Variants in SUPT3H observed in about 807,000 individuals in gnomAD.
SUPT3H encodes the protein SPT3 homolog, SAGA and STAGA complex component, also known as transcription initiation protein SPT3 homolog.
Under a neutral mutation model 44.3 loss-of-function variants are expected in SUPT3H, and 44 were observed. The ratio of observed to expected loss-of-function variants is 0.99; its 90% CI spans 0.78 to 1.28. The LOEUF is 1.28. Ranked by LOEUF, SUPT3H falls within the 50% of genes most tolerant of loss-of-function variation. The pLI, the probability that SUPT3H is intolerant of heterozygous loss-of-function variation, is 0.00. For synonymous variants in SUPT3H, 124 were observed against 125.6 expected (o/e 0.99, Z 0.09); for missense variants, 380 against 387.1 (o/e 0.98, Z 0.15).
chr6:45,164,445 AG>A (rs1025731823), intron 2 of SUPT3H, among the ~76,000 whole-genome samples: 1 of 152,192 alleles, frequency 6.6e-6, no homozygotes, highest in African/African-American at 2.4e-5. Flanking sequence ...CTAACTACCA[AG>A]AATTACAAAA....
At chr6:44,991,226 G>A (rs1320462338) in intron 6 of SUPT3H, among the ~76,000 whole-genome samples, 1 of 151,884 alleles carries the variant, frequency 6.6e-6, no homozygotes, top group Non-Finnish European at 1.5e-5. Flanking sequence ...TTATTTCATG[G>A]CTATTAATTG....
chr6:45,016,054 TAAC>T (rs955763531), intron 4 of SUPT3H, among the ~76,000 whole-genome samples: 66 of 152,158 alleles, frequency 4.3e-4, no homozygotes, highest in African/African-American at 1.5e-3. Flanking sequence ...CATAAACAAG[TAAC>T]AATCATTTAT....
intron 10 of SUPT3H, among the ~76,000 whole-genome samples, chr6:44,868,788 G>A (rs1215503724): frequency 6.6e-6 from 1 of 152,190 alleles, no homozygotes; most frequent in African/African-American, 2.4e-5. Context: ...CATCAGGATA[G>A]ATTCCTTGTC....
chr6:45,166,361 G>A (rs1352719331), intron 2 of SUPT3H, among the ~76,000 whole-genome samples: 1 of 152,068 alleles, frequency 6.6e-6, no homozygotes, highest in Non-Finnish European at 1.5e-5. Flanking sequence ...GGCCAAGGCG[G>A]GAGGATCACG....
intron 2 of SUPT3H, among the ~76,000 whole-genome samples, chr6:45,264,941 A>T (rs1775011313): frequency 6.6e-6 from 1 of 152,184 alleles, no homozygotes; most frequent in African/African-American, 2.4e-5. Flanking sequence ...AAATGTAAAA[A>T]GGATAAACAT....
intron 2 of SUPT3H, among the ~76,000 whole-genome samples, chr6:45,346,728 C>T (rs1287365074): frequency 6.6e-6 from 1 of 151,998 alleles, no homozygotes; most frequent in Non-Finnish European, 1.5e-5. Flanking sequence ...CCATGCCTGG[C>T]TAATTTTTAT....
intron 6 of SUPT3H, among the ~76,000 whole-genome samples, chr6:44,966,390 T>C (rs1776780515): frequency 6.6e-6 from 1 of 150,704 alleles, no homozygotes; most frequent in African/African-American, 2.4e-5. Context: ...TTTGAGATGG[T>C]TTTATAAAAT....
intron 2 of SUPT3H, among the ~76,000 whole-genome samples, chr6:45,288,424 C>T (rs1219818295): frequency 6.6e-6 from 1 of 151,494 alleles, no homozygotes; most frequent in Non-Finnish European, 1.5e-5. Context: ...AATAACTATG[C>T]AATGCTGATT....
chr6:45,206,441 T>C (rs1409307119), intron 2 of SUPT3H, among the ~76,000 whole-genome samples: 1 of 151,438 alleles, frequency 6.6e-6, no homozygotes, highest in African/African-American at 2.4e-5. Context: ...GAAACTGAGA[T>C]CAGAAAAGTA....
chr6:45,227,986 C>A (rs950845917), intron 2 of SUPT3H, among the ~76,000 whole-genome samples: 3 of 151,370 alleles, frequency 2.0e-5, no homozygotes. Flanking sequence ...AAAAAAAAAA[C>A]TACACTCAAA....
At chr6:45,237,110 G>A (rs887360779) in intron 2 of SUPT3H, among the ~76,000 whole-genome samples, 3 of 152,168 alleles carry the variant, frequency 2.0e-5, no homozygotes, top group Non-Finnish European at 4.4e-5. Flanking sequence ...AAACGAATAG[G>A]AGGATTTGGA....
intron 6 of SUPT3H, among the ~76,000 whole-genome samples, chr6:44,966,666 G>T (rs1776823497): frequency 2.6e-5 from 4 of 152,026 alleles, no homozygotes; most frequent in Admixed American, 2.0e-4. Flanking sequence ...TGTAATGAAG[G>T]TTGTACTCCC....
At chr6:44,991,375 A>G (rs929159431) in intron 6 of SUPT3H, among the ~76,000 whole-genome samples, 5 of 152,140 alleles carry the variant, frequency 3.3e-5, no homozygotes, top group African/African-American at 4.8e-5. Flanking sequence ...TAGAAAATGG[A>G]GAATCATGAA....
At chr6:45,149,021 C>T (rs1806512767) in intron 2 of SUPT3H, among the ~76,000 whole-genome samples, 1 of 152,138 alleles carries the variant, frequency 6.6e-6, no homozygotes, top group Non-Finnish European at 1.5e-5. Flanking sequence ...ACTTTTAGTA[C>T]ACAATATGTT....
chr6:45,326,726 G>A (rs1786405738), intron 2 of SUPT3H, among the ~76,000 whole-genome samples: 1 of 151,906 alleles, frequency 6.6e-6, no homozygotes, highest in Non-Finnish European at 1.5e-5. Context: ...CAGTTATTGT[G>A]ATCTAATATG....
At chr6:45,129,455 C>T (rs960885094) in intron 2 of SUPT3H, among the ~76,000 whole-genome samples, 7 of 152,156 alleles carry the variant, frequency 4.6e-5, no homozygotes, top group Admixed American at 4.6e-4. Flanking sequence ...ACTTCAAATT[C>T]TTGGTTTCCT....
At chr6:45,063,850 G>C (rs1792695991) in intron 3 of SUPT3H, among the ~76,000 whole-genome samples, 1 of 141,916 alleles carries the variant, frequency 7.0e-6, no homozygotes, top group Non-Finnish European at 1.5e-5. Context: ...ACCTGAAAGT[G>C]ACAGGGAGAA....
At chr6:44,816,490 A>G (rs1766920771) in intron 11 of SUPT3H, among the ~76,000 whole-genome samples, 1 of 152,220 alleles carries the variant, frequency 6.6e-6, no homozygotes, top group Non-Finnish European at 1.5e-5. Flanking sequence ...AATATTATTC[A>G]TAGCTAAAAG....
intron 2 of SUPT3H, among the ~76,000 whole-genome samples, chr6:45,175,012 T>TAAAAAAAAAAAA (rs57838175): frequency 3.2e-5 from 2 of 62,538 alleles, no homozygotes; most frequent in African/African-American, 1.3e-4. Context: ...CCCTCGTCAC[T>TAAAAAAAAAAAA]AAAAAAAAAA....
Sources: gnomAD v4.1 joint callset for allele counts (sites outside exome capture counted in the v4.1 genomes callset) on GRCh38, gnomAD v4.1.1 for gene constraint, MANE v1.5 for transcripts, NCBI Gene and HGNC (gene_info 2026-07-23, HGNC 2026-07-21) for gene names.